ACAN: variants seen among roughly 807,000 people sequenced by gnomAD.
ACAN encodes aggrecan, also known as aggrecan core protein.
ACAN carries 47 observed loss-of-function variants against 169.1 expected under a neutral mutation model. The observed-to-expected ratio is 0.28, with a 90% CI of 0.22 to 0.35. The LOEUF is 0.35. Among genes scored for constraint, ACAN ranks in the 10% least tolerant of loss-of-function variants. The probability of loss-of-function intolerance (pLI) is 1.00; values close to 1 mark genes in which losing one functional copy is unlikely to be tolerated. For synonymous variants in ACAN, 1,115 were observed against 1,112.2 expected (o/e 1.00, Z -0.05); for missense variants, 2,716 against 2,759.9 (o/e 0.98, Z 0.36).
intron 1 of ACAN, among the ~76,000 whole-genome samples, chr15:88,818,323 A>G (rs1426297533): frequency 6.6e-6 from 1 of 152,248 alleles, no homozygotes; most frequent in African/African-American, 2.4e-5. Context: ...GAAAATCTGC[A>G]CAGTTGCTCC....
rs867113162 is a variant in ACAN at position 88,814,553 on chromosome 15, G to A, written c.-8+10744G>A. On this transcript the variant is annotated intron_variant, in intron 1 of 18. Coordinates refer to ENST00000560601, the MANE Select transcript of ACAN (RefSeq NM_001369268.1). The surrounding 1 kb of genome is among the most constrained non-coding windows in gnomAD (Gnocchi z 4.0). Reference sequence around the variant, plus strand: ...GAAAGCCAGGGCTGGCTCCTGATAGGCCTGGAAAGTGTGGCAGGTTCTGCT... The same window carrying A: ...GAAAGCCAGGGCTGGCTCCTGATAGACCTGGAAAGTGTGGCAGGTTCTGCT... 1.3e-5 allele frequency among the ~76,000 whole-genome samples: 2 copies of A among 152,168 alleles called. No individual in the cohort carries two copies. Among genetic ancestry groups the A allele is most frequent in the African/African-American group, 2.4e-5 (1 of 41,442 alleles).
chr15:88,804,037 A>G (rs1313118777), intron 1 of ACAN, among the ~76,000 whole-genome samples: 1 of 152,200 alleles, frequency 6.6e-6, no homozygotes, highest in Non-Finnish European at 1.5e-5. Flanking sequence ...ACACGTGAGG[A>G]GGGGCACTTG....
rs1202998882 is a variant in ACAN at position 88,847,962 on chromosome 15, C to T, written c.1656C>T (p.Ser552=). The T allele has an allele frequency of 6.2e-7, 1 of 1,613,914 alleles. No homozygotes were observed. The highest frequency in any genetic ancestry group is 1.7e-5 in the Admixed American group (1 of 60,012). The change falls in exon 9 of 19, where the codon AGC becomes AGT. Residue 552 remains serine (S), a synonymous_variant. Transcript: ENST00000560601. ...RTPCVGDKDS[S]PGVRTYGVRP... Reference sequence around the variant, plus strand: ...CATGCGTGGGTGACAAGGACAGCAGCCCAGGGGTCAGGACCTATGGCGTGC... The same window carrying T: ...CATGCGTGGGTGACAAGGACAGCAGTCCAGGGGTCAGGACCTATGGCGTGC...
chr15:88,840,748 G>A (rs1302901669), intron 4 of ACAN, among the ~76,000 whole-genome samples: 1 of 150,594 alleles, frequency 6.6e-6, no homozygotes, highest in Non-Finnish European at 1.5e-5. Context: ...CAGTCTCGGG[G>A]TAGGAAAACA....
rs28564751 is a variant in ACAN, at chr15:88,847,783, G to A, written c.1605-128G>A. The A allele has an allele frequency of 0.036, 44,825 of 1,254,340 alleles. 1,474 individuals carry two copies. Among genetic ancestry groups the A allele is most frequent in the African/African-American group, 0.15 (9,732 of 65,864 alleles). 77.7% of individuals were successfully genotyped at this position (1,254,340 alleles called of 1,614,324 possible). A position where few individuals can be genotyped will look rare whatever the true frequency, so the allele number is the denominator to read the frequency against. On this transcript the variant is annotated intron_variant, in intron 8 of 18. Coordinates refer to ENST00000560601, the MANE Select transcript of ACAN (RefSeq NM_001369268.1). The stretch of plus-strand genomic sequence containing the variant: ...TTGCTGCATAAGGGGCTTTTTCCTG[G>A]TTTGAATACCACCAGACAACTGAAG...
rs1287372055 is a variant in ACAN at position 88,869,707 on chromosome 15, T to C, written c.7060+1378T>C. On this transcript the variant is annotated intron_variant, in intron 14 of 18. Transcript: ENST00000560601. This position sits in a 1 kb window ranked among gnomAD's most constrained non-coding sequence, Gnocchi z 4.2. ...TCTGTACCCTGATGGGGCAGAGAGA[T>C]GGTGACAGAGCCACCCAGCTCGGCC... 6.6e-6 allele frequency among the ~76,000 whole-genome samples: 1 copy of C among 152,150 alleles called. No individual in the cohort carries two copies. The highest frequency in any genetic ancestry group is 1.5e-5 in the Non-Finnish European group (1 of 68,022).
chr15:88,852,949 G>A (rs576934489), intron 11 of ACAN, among the ~76,000 whole-genome samples: 2 of 152,336 alleles, frequency 1.3e-5, no homozygotes, highest in East Asian at 3.9e-4. Flanking sequence ...TCTGTGCATG[G>A]TTCCAGAGCA....
intron 1 of ACAN, among the ~76,000 whole-genome samples, chr15:88,813,362 A>G (rs1260254951): frequency 6.6e-6 from 1 of 152,178 alleles, no homozygotes. Context: ...TGCTCTTGTC[A>G]TATATAGGAA....
At chr15:88,817,849 G>GAAAA (rs10710630) in intron 1 of ACAN, among the ~76,000 whole-genome samples, 215 of 73,126 alleles carry the variant, frequency 2.9e-3, no homozygotes, top group Middle Eastern at 6.8e-3. Context: ...GTGAGACTCT[G>GAAAA]AAAAAAAAAA....
chr15:88,857,774 C>G lies in ACAN; in HGVS notation c.5189C>G (p.Pro1730Arg). 4 of 1,613,936 alleles carry G rather than the reference C, an allele frequency of 2.5e-6. No homozygotes were observed. Among genetic ancestry groups the G allele is most frequent in the Non-Finnish European group, 3.4e-6 (4 of 1,179,892 alleles). Residue 1730 changes from proline to arginine, a missense_variant, in exon 12 of 19, where the codon CCT becomes CGT. Transcript: ENST00000560601. ...SGSPDVSGEI[P>R]GLFGVSGQPS... The stretch of plus-strand genomic sequence containing the variant: ...TCTCCTGATGTCAGTGGGGAAATAC[C>G]TGGACTCTTTGGTGTCAGTGGACAG...
At chr15:88,864,722 G>A (rs910573660) in intron 13 of ACAN, among the ~76,000 whole-genome samples, 4 of 152,160 alleles carry the variant, frequency 2.6e-5, no homozygotes, top group East Asian at 1.9e-4. Context: ...GCAACATGCA[G>A]AGCATCCATT....
intron 1 of ACAN, among the ~76,000 whole-genome samples, chr15:88,831,464 C>G (rs776728581): frequency 2.0e-5 from 3 of 152,288 alleles, no homozygotes; most frequent in African/African-American, 7.2e-5. Flanking sequence ...CCTCCGCCCC[C>G]CAAGGCCTAG....
chr15:88,871,239 C>T lies in ACAN; in HGVS notation c.7061-143C>T. 1.7e-6 allele frequency: 2 copies of T among 1,199,386 alleles called. No individual in the cohort carries two copies. Among genetic ancestry groups the T allele is most frequent in the Non-Finnish European group, 2.3e-6 (2 of 859,696 alleles). 74.3% of individuals were successfully genotyped at this position (1,199,386 alleles called of 1,614,324 possible). A position where few individuals can be genotyped will look rare whatever the true frequency, so the allele number is the denominator to read the frequency against. On this transcript the variant is annotated intron_variant, in intron 14 of 18. Transcript: ENST00000560601. This position sits in a 1 kb window ranked among gnomAD's most constrained non-coding sequence, Gnocchi z 7.8. ...ACCAGACCAGTTTCCAACCTGAACT[C>T]CTCCAGCTGTGCCTCTCCCTTCCCT...
At chr15:88,815,130 A>G (rs943159678) in intron 1 of ACAN, among the ~76,000 whole-genome samples, 1 of 152,058 alleles carries the variant, frequency 6.6e-6, no homozygotes, top group African/African-American at 2.4e-5. Flanking sequence ...GATCTGGAAT[A>G]TGGTTCTCCC....
At chr15:88,836,716 C>T (rs1896512820) in intron 2 of ACAN, among the ~76,000 whole-genome samples, 1 of 152,254 alleles carries the variant, frequency 6.6e-6, no homozygotes, top group Non-Finnish European at 1.5e-5. Flanking sequence ...CCCAGGGAAT[C>T]AGACAGGTCT....
At position 88,858,208 on chromosome 15, in the gene ACAN, A is replaced by C; in HGVS notation, c.5623A>C (p.Ser1875Arg). 6.2e-7 allele frequency: 1 copy of C among 1,613,950 alleles called. No homozygotes were observed. The highest frequency in any genetic ancestry group is 8.5e-7 in the Non-Finnish European group (1 of 1,179,898). The change falls in exon 12 of 19, where the codon AGT becomes CGT. Residue 1875 changes from serine to arginine, a missense_variant. Ser to Arg is a moderately radical substitution (Grantham distance 110, BLOSUM62 -1). Coordinates refer to ENST00000560601, the MANE Select transcript of ACAN (RefSeq NM_001369268.1). This position sits in a 1 kb window ranked among gnomAD's most constrained non-coding sequence, Gnocchi z 4.0. ...AGGCAAATCTGGGATGGTGGATGTC[A>C]GTGGACAGTTTTCTGGAACAGTCGA... The part of the protein sequence containing the change: ...LSGKSGMVDV[S>R]GQFSGTVDSS...
chr15:88,862,750 C>G (rs1474063033), intron 13 of ACAN, among the ~76,000 whole-genome samples: 1 of 152,188 alleles, frequency 6.6e-6, no homozygotes, highest in East Asian at 1.9e-4. Flanking sequence ...GTAATCCCAG[C>G]ACTTTGGGAG....
intron 7 of ACAN, among the ~76,000 whole-genome samples, chr15:88,846,332 G>A (rs899045127): frequency 6.6e-6 from 1 of 152,196 alleles, no homozygotes; most frequent in African/African-American, 2.4e-5. Flanking sequence ...AGTGGGCTGG[G>A]TTTAGCTGTT....
Position 88,803,672 on chromosome 15 carries a change from G to A in ACAN, c.-145G>A, listed in dbSNP as rs1306878729. ...CCTGCGGACAGGACGCCGGCAGGAG[G>A]AGGGGTGCGCAGCGCCCGCGCAGAG... is the stretch of plus-strand genomic sequence containing the variant. On this transcript the variant is annotated 5_prime_UTR_variant, in exon 1 of 19. Transcript: ENST00000560601. The A allele has an allele frequency of 1.3e-5, 2 of 152,100 alleles. No homozygotes were observed. Among genetic ancestry groups the A allele is most frequent in the African/African-American group, 2.4e-5 (1 of 41,406 alleles). 9.4% of individuals were successfully genotyped at this position (152,100 alleles called of 1,614,324 possible).
Sources: gnomAD v4.1 joint callset for allele counts (sites outside exome capture counted in the v4.1 genomes callset) on GRCh38, gnomAD v4.1.1 for gene constraint, Gnocchi (gnomAD v3.1) non-coding constraint, MANE v1.5 for transcripts, NCBI Gene and HGNC (gene_info 2026-07-23, HGNC 2026-07-21) for gene names.